C6orf132: variants seen among roughly 807,000 people sequenced by gnomAD.
The protein encoded by C6orf132 is chromosome 6 open reading frame 132, also known as uncharacterized protein C6orf132.
In C6orf132, 43 loss-of-function variants were observed where a neutral mutation model predicts 65.3. The ratio of observed to expected loss-of-function variants is 0.66; its 90% confidence interval spans 0.52 to 0.85. C6orf132 has a LOEUF of 0.85. C6orf132 is among the 40% of genes least tolerant of loss of function. The pLI is 0.00. For synonymous variants in C6orf132, 631 were observed against 654.1 expected (o/e 0.96, Z 0.54); for missense variants, 1,488 against 1,548.8 (o/e 0.96, Z 0.66).
chr6:42,133,545 C>G (rs901527175), intron 1 of C6orf132, among the ~76,000 whole-genome samples: 3 of 152,136 alleles, frequency 2.0e-5, no homozygotes, highest in African/African-American at 7.2e-5. Flanking sequence ...ATTCCAGCAG[C>G]CAGGAAGCCT....
At chr6:42,123,907 G>A (rs9471773) in intron 2 of C6orf132, among the ~76,000 whole-genome samples, 24,817 of 152,138 alleles carry the variant, frequency 0.16, 2,211 homozygotes, top group African/African-American at 0.19. Flanking sequence ...GTGGGGTTGC[G>A]CCAGTAGCTG....
intron 2 of C6orf132, 97 bp from the exon 3 acceptor site, chr6:42,110,388 G>T: frequency 1.1e-6 from 1 of 912,912 alleles, no homozygotes. Flanking sequence ...TTGAAAATCT[G>T]CAGTGACGGT....
In C6orf132 at chr6:42,101,694, T is replaced by C. The variant is rs555639374; in HGVS notation, c.*2067A>G. 1.3e-5 allele frequency: 2 copies of C among 152,274 alleles called. No homozygotes were observed. Among genetic ancestry groups the C allele is most frequent in the African/African-American group, 4.8e-5 (2 of 41,540 alleles). 9.4% of individuals were successfully genotyped at this position (152,274 alleles called of 1,614,324 possible). A position where few individuals can be genotyped will look rare whatever the true frequency, so the allele number is the denominator to read the frequency against. On this transcript the variant is annotated 3_prime_UTR_variant, in exon 5 of 5. Coordinates refer to ENST00000341865, the MANE Select transcript of C6orf132 (RefSeq NM_001164446.3). ...AATTAATGATCTCTTTTATAAAACA[T>C]TGTACAGGGAAAATACATACATAGA...
rs1039943094 is a variant in C6orf132 at position 42,123,281 on chromosome 6, G to A, written c.252+5391C>T. On this transcript the variant is annotated intron_variant, in intron 2 of 4. Coordinates refer to ENST00000341865, the MANE Select transcript of C6orf132 (RefSeq NM_001164446.3). ...GCCTGTAGTCTCAGCTACTCGGGAG[G>A]CTGAGGCAGGAGAATGGCTTGAACC... Among the ~76,000 whole-genome samples the A allele has an allele frequency of 3.9e-5, 6 of 152,054 alleles. 1 individual carries two copies. The highest frequency in any genetic ancestry group is 5.9e-5 in the Non-Finnish European group (4 of 68,016).
At position 42,105,626 on chromosome 6, in the gene C6orf132, T is replaced by A; in HGVS notation, c.2286A>T (p.Gly762=). 2 of 1,537,056 alleles carry A rather than the reference T, an allele frequency of 1.3e-6. No individual in the cohort carries two copies. Among genetic ancestry groups the A allele is most frequent in the Middle Eastern group, 1.7e-4 (1 of 5,990 alleles). ...GCTTGTAGAGACATGGCACCTCTCC[T>A]CCACCAGGAGATGTCTTTGGTGGGA... ...AAFPPKTSPG[G]GEVPCLYKPH... Residue 762 remains glycine, a synonymous_variant, in exon 4 of 5, where the codon GGA becomes GGT. Coordinates refer to ENST00000341865, the MANE Select transcript of C6orf132 (RefSeq NM_001164446.3).
chr6:42,117,015 A>G (rs936739019), intron 2 of C6orf132, among the ~76,000 whole-genome samples: 1 of 152,196 alleles, frequency 6.6e-6, no homozygotes, highest in African/African-American at 2.4e-5. Context: ...AAGCTTCCGC[A>G]GCCTTGTTCT....
In C6orf132 at chr6:42,107,362, G is replaced by A. The variant is rs1766429646; in HGVS notation, c.550C>T (p.Pro184Ser). 2 of 1,043,468 alleles carry A rather than the reference G, an allele frequency of 1.9e-6. No homozygotes were observed. The highest frequency in any genetic ancestry group is 2.8e-6 in the Non-Finnish European group (2 of 719,794). The allele number at this position is 1,043,468 out of a possible 1,614,324, so 64.6% of individuals were successfully genotyped here. The change falls in exon 4 of 5, where the codon CCC becomes TCC. Residue 184 changes from proline (P) to serine (S), a missense_variant. Coordinates refer to ENST00000341865, the MANE Select transcript of C6orf132 (RefSeq NM_001164446.3). ...PPLLLEPPPPPSMAPPPPPVL... is the reference protein window; with the variant it reads ...PPLLLEPPPPSSMAPPPPPVL... ...GGGGGTGGAGGTGGGGCCATGCTGG[G>A]CGGGGGTGGGGGTTCCAGCAGCAGG... is the stretch of plus-strand genomic sequence containing the variant.
chr6:42,105,558 A>G lies in C6orf132; in HGVS notation c.2354T>C (p.Val785Ala). The change falls in exon 4 of 5, where the codon GTG (valine) becomes GCG (alanine). Residue 785 changes from valine to alanine, a missense_variant. Val to Ala is a moderately conservative substitution (Grantham distance 64). Transcript: ENST00000341865. ...QSSLSREVAV[V>A]MPTLARGGAA... Reference sequence around the variant, plus strand: ...CCCTCCTCTGGCCAGGGTGGGCATCACCACAGCAACCTCACGGCTGAGGCT... The same window carrying G: ...CCCTCCTCTGGCCAGGGTGGGCATCGCCACAGCAACCTCACGGCTGAGGCT... The G allele has an allele frequency of 6.5e-7, 1 of 1,535,916 alleles. No homozygotes were observed. The highest frequency in any genetic ancestry group is 1.7e-4 in the Middle Eastern group (1 of 5,980).
In C6orf132 at chr6:42,128,709, C is replaced by T. The variant is rs1766807697; in HGVS notation, c.215G>A (p.Arg72Gln). Reference protein sequence around the residue: ...SESGTATLKARPRVRPLLTFL... With the variant: ...SESGTATLKAQPRVRPLLTFL... ...GGTCAGCAGGGGCCGGACTCTTGGC[C>T]GAGCTTTCAGCGTGGCTGTTCCTGA... The change falls in exon 2 of 5, where the codon CGG becomes CAG. Residue 72 changes from arginine to glutamine, a missense_variant. Physicochemically the swap from Arg to Gln is conservative, Grantham distance 43 (BLOSUM62 1). Coordinates refer to ENST00000341865, the MANE Select transcript of C6orf132 (RefSeq NM_001164446.3). 3.2e-6 allele frequency: 5 copies of T among 1,551,430 alleles called. No homozygotes were observed. Among genetic ancestry groups the T allele is most frequent in the Admixed American group, 3.9e-5 (2 of 50,968 alleles).
intron 2 of C6orf132, chr6:42,126,755 A>C (rs1254302630): frequency 2.8e-6 from 1 of 361,152 alleles, no homozygotes; most frequent in African/African-American, 2.1e-5. Flanking sequence ...AGGCAGGAGA[A>C]TCGCTTGAAC....
intron 1 of C6orf132, among the ~76,000 whole-genome samples, chr6:42,139,525 G>C (rs1257912978): frequency 2.6e-5 from 4 of 152,266 alleles, no homozygotes; most frequent in Non-Finnish European, 5.9e-5. Flanking sequence ...GAGGGGCATA[G>C]TTGGTTATGT....
At chr6:42,123,275 C>T (rs1159224092) in intron 2 of C6orf132, among the ~76,000 whole-genome samples, 3 of 151,508 alleles carry the variant, frequency 2.0e-5, no homozygotes, top group Non-Finnish European at 2.9e-5. Flanking sequence ...CTCAGCTACT[C>T]GGGAGGCTGA....
chr6:42,117,852 AGGT>A (rs2127475844), intron 2 of C6orf132, among the ~76,000 whole-genome samples: 1 of 131,624 alleles, frequency 7.6e-6, no homozygotes, highest in Admixed American at 8.8e-5. Context: ...TGAACCCAGG[AGGT>A]GGAGATTGCA....
intron 2 of C6orf132, among the ~76,000 whole-genome samples, chr6:42,119,248 CAAAAAAAAAAAA>C (rs1156356191): frequency 2.2e-5 from 1 of 44,776 alleles, no homozygotes; most frequent in Non-Finnish European, 3.7e-5. Context: ...GACTCTGTCT[CAAAAAAAAAAAA>C]AAAAAAAAAA....
At chr6:42,139,698 G>C (rs1767004165) in intron 1 of C6orf132, among the ~76,000 whole-genome samples, 1 of 151,630 alleles carries the variant, frequency 6.6e-6, no homozygotes, top group Non-Finnish European at 1.5e-5. Flanking sequence ...GCGTTTTTTT[G>C]TTTTGTTTTT....
At chr6:42,117,387 A>T (rs555942627) in intron 2 of C6orf132, among the ~76,000 whole-genome samples, 1 of 152,272 alleles carries the variant, frequency 6.6e-6, no homozygotes, top group South Asian at 2.1e-4. Context: ...TGCCAGGGCC[A>T]ATATTGGGAC....
chr6:42,111,825 C>T (rs1309924600), intron 2 of C6orf132, among the ~76,000 whole-genome samples: 2 of 152,056 alleles, frequency 1.3e-5, no homozygotes, highest in African/African-American at 2.4e-5. Flanking sequence ...TACTATTTTG[C>T]ATTCTATTTT....
At chr6:42,108,277 G>A (rs1218778510) in intron 3 of C6orf132, among the ~76,000 whole-genome samples, 1 of 152,148 alleles carries the variant, frequency 6.6e-6, no homozygotes, top group Non-Finnish European at 1.5e-5. Context: ...CTGTCAAAGG[G>A]GCATGATGTC....
In C6orf132 at chr6:42,106,620, G is replaced by C. The variant is rs1295975282; in HGVS notation, c.1292C>G (p.Thr431Arg). 6.5e-7 allele frequency: 1 copy of C among 1,533,588 alleles called. No individual in the cohort carries two copies. The highest frequency in any genetic ancestry group is 8.7e-7 in the Non-Finnish European group (1 of 1,146,106). The allele number at this position is 1,533,588 out of a possible 1,614,324, so 95.0% of individuals were successfully genotyped here. A position where few individuals can be genotyped will look rare whatever the true frequency, so the allele number is the denominator to read the frequency against. ...QKAAHPPAGFTKTPKSSSPAL... is the reference protein window; with the variant it reads ...QKAAHPPAGFRKTPKSSSPAL... ...AGGAGAGCTGGATTTAGGGGTTTTT[G>C]TAAACCCAGCAGGTGGATGGGCTGC... is the stretch of plus-strand genomic sequence containing the variant. The change falls in exon 4 of 5, where the codon ACA becomes AGA. Residue 431 changes from threonine to arginine, a missense_variant. Physicochemically the swap from Thr to Arg is moderately conservative, Grantham distance 71. Coordinates refer to ENST00000341865, the MANE Select transcript of C6orf132 (RefSeq NM_001164446.3).
Sources: gnomAD v4.1 joint callset for allele counts (sites outside exome capture counted in the v4.1 genomes callset) on GRCh38, gnomAD v4.1.1 for gene constraint, MANE v1.5 for transcripts, NCBI Gene and HGNC (gene_info 2026-07-23, HGNC 2026-07-21) for gene names.